SLC25A48: variants seen among roughly 807,000 people sequenced by gnomAD.
SLC25A48 encodes the protein CTC-321K16.1.
Under a neutral mutation model 32.2 loss-of-function variants are expected in SLC25A48, and 29 were observed. The observed-to-expected ratio is 0.90, with a 90% CI of 0.67 to 1.23. SLC25A48 has a LOEUF of 1.23. SLC25A48 is among the 50% of genes most tolerant of loss of function. The pLI is 0.00. For synonymous variants in SLC25A48, 164 were observed against 172.3 expected (o/e 0.95, Z 0.38); for missense variants, 399 against 422.7 (o/e 0.94, Z 0.49).
intron 1 of SLC25A48, among the ~76,000 whole-genome samples, chr5:135,840,076 G>A (rs534895337): frequency 1.3e-5 from 2 of 152,122 alleles, no homozygotes; most frequent in South Asian, 2.1e-4. Flanking sequence ...GGGCAGCCTT[G>A]GTTCTCTTCA....
At chr5:135,858,878 C>T (rs1379508490) in intron 4 of SLC25A48, among the ~76,000 whole-genome samples, 1 of 152,138 alleles carries the variant, frequency 6.6e-6, no homozygotes, top group East Asian at 1.9e-4. Flanking sequence ...GATCGGGCTG[C>T]CCCCTCTGAT....
intron 3 of SLC25A48, among the ~76,000 whole-genome samples, chr5:135,756,191 A>G (rs1015127922): frequency 3.9e-5 from 6 of 152,132 alleles, no homozygotes; most frequent in Admixed American, 2.6e-4. Context: ...CTAGATATTT[A>G]TAATATCTAG....
At chr5:135,842,588 C>G in intron 2 of SLC25A48, 129 bp downstream of exon 2, 1 of 948,232 alleles carries the variant, frequency 1.1e-6, no homozygotes, top group Non-Finnish European at 1.6e-6. Context: ...GTTGCCAGTC[C>G]AGGGGGTGTT....
At chr5:135,756,531 C>T (rs1755910821) in intron 3 of SLC25A48, among the ~76,000 whole-genome samples, 3 of 151,890 alleles carry the variant, frequency 2.0e-5, no homozygotes, top group South Asian at 2.1e-4. Flanking sequence ...ATTATCTGGG[C>T]GTGGTGGTGC....
rs1757149684 is a variant in SLC25A48, at chr5:135,795,653, T to A, written c.-520-16870T>A. Among the ~76,000 whole-genome samples the A allele has an allele frequency of 2.6e-5, 4 of 151,872 alleles. No individual in the cohort carries two copies. In the South Asian group the frequency reaches 6.2e-4, roughly 24 times the overall value. On this transcript the variant is annotated intron_variant, in intron 3 of 10. Transcript: ENST00000646290. ...AGGGGTTGTACACTTCCCTGTGATA[T>A]GGTTCATAATATTCAGGGGGGTAGA...
chr5:135,746,369 G>T, intron 3 of SLC25A48: 1 of 165,494 alleles, frequency 6.0e-6, no homozygotes, highest in Non-Finnish European at 1.3e-5. Context: ...TCTGCACAGA[G>T]ACAAGACCAC....
Position 135,671,878 on chromosome 5 carries a change from A to T in SLC25A48, c.-521+36922A>T, listed in dbSNP as rs551357435. 4.0e-5 allele frequency: 6 copies of T among 150,798 alleles called. No homozygotes were observed. In the Admixed American group the frequency reaches 4.0e-4, roughly 10 times the overall value. 9.3% of individuals were successfully genotyped at this position (150,798 alleles called of 1,614,324 possible). On this transcript the variant is annotated intron_variant, in intron 3 of 10. Coordinates refer to the SLC25A48 transcript ENST00000646290. ...CTCTACTCCCCCACCCCCACCCAGA[A>T]TTAACTTTTTAATTTTAGGGACAGA...
At chr5:135,614,560 C>T (rs1312208910) in intron 1 of SLC25A48, among the ~76,000 whole-genome samples, 1 of 152,136 alleles carries the variant, frequency 6.6e-6, no homozygotes, top group Non-Finnish European at 1.5e-5. Flanking sequence ...TATGTTCCTT[C>T]AAATGCTTAA....
chr5:135,614,196 A>T (rs1752136447), intron 1 of SLC25A48, among the ~76,000 whole-genome samples: 1 of 151,976 alleles, frequency 6.6e-6, no homozygotes, highest in Non-Finnish European at 1.5e-5. Flanking sequence ...TATTTTTTGT[A>T]GCTATTGAAA....
At chr5:135,663,932 C>G (rs1753464841) in intron 3 of SLC25A48, among the ~76,000 whole-genome samples, 1 of 152,222 alleles carries the variant, frequency 6.6e-6, no homozygotes, top group African/African-American at 2.4e-5. Flanking sequence ...CTGCCAGGCA[C>G]TGATGTCCTC....
At chr5:135,784,724 C>G (rs1465680783) in intron 3 of SLC25A48, among the ~76,000 whole-genome samples, 4 of 117,964 alleles carry the variant, frequency 3.4e-5, no homozygotes, top group African/African-American at 1.0e-4. Context: ...TACATTCCCT[C>G]CATAGTATTT....
At chr5:135,765,128 G>A (rs1269390330) in intron 3 of SLC25A48, among the ~76,000 whole-genome samples, 1 of 151,570 alleles carries the variant, frequency 6.6e-6, no homozygotes, top group African/African-American at 2.4e-5. Context: ...TTTGTGATAT[G>A]GTTCCTAATA....
chr5:135,855,956 G>A (rs149724651), intron 4 of SLC25A48, among the ~76,000 whole-genome samples: 5 of 152,254 alleles, frequency 3.3e-5, no homozygotes, highest in East Asian at 1.9e-4. Context: ...CTCATCTCTC[G>A]TTCCTCCTTG....
chr5:135,668,229 C>A (rs1753569203), intron 3 of SLC25A48, among the ~76,000 whole-genome samples: 1 of 152,100 alleles, frequency 6.6e-6, no homozygotes, highest in African/African-American at 2.4e-5. Context: ...TCATAATGAC[C>A]AAATGATCAA....
chr5:135,842,543 C>A (rs1759096695), intron 2 of SLC25A48, 84 bp downstream of exon 2: 2 of 1,360,850 alleles, frequency 1.5e-6, no homozygotes, highest in Admixed American at 1.7e-5. Context: ...TGTTTCTAAT[C>A]TCTCAGAGAG....
At chr5:135,704,656 C>T (rs7715434) in intron 3 of SLC25A48, among the ~76,000 whole-genome samples, 4,092 of 152,212 alleles carry the variant, frequency 0.027, 175 homozygotes, top group African/African-American at 0.092. Context: ...CATTTAATCT[C>T]TCTAGTAAGT....
intron 4 of SLC25A48, among the ~76,000 whole-genome samples, chr5:135,819,034 GAC>G (rs1228785931): frequency 6.6e-6 from 1 of 151,762 alleles, no homozygotes; most frequent in Admixed American, 6.6e-5. Flanking sequence ...CAATCTGAAG[GAC>G]ACAGAGAAAA....
rs532915813 is a variant in SLC25A48 at position 135,885,007 on chromosome 5, A to T, written c.*8-3025A>T. On this transcript the variant is annotated intron_variant, in intron 7 of 7. Transcript: ENST00000681962. ...CTCCAACATACCTGAGCCCCAGCTC[A>T]GGACTTTACCACCAATCCCATTTGA... Among the ~76,000 whole-genome samples, 10 of 152,318 alleles carry T rather than the reference A, an allele frequency of 6.6e-5. 1 individual carries two copies. The South Asian group carries it at 2.1e-3, about 32-fold the overall frequency.
At chr5:135,771,843 C>A (rs921537670) in intron 3 of SLC25A48, among the ~76,000 whole-genome samples, 2 of 151,052 alleles carry the variant, frequency 1.3e-5, no homozygotes, top group Non-Finnish European at 3.0e-5. Flanking sequence ...CTCTCAATAT[C>A]TCAGGGGTTG....
Sources: allele counts gnomAD v4.1 joint callset (sites outside exome capture counted in the v4.1 genomes callset), GRCh38; gene constraint gnomAD v4.1.1; transcripts MANE v1.5; gene names NCBI Gene and HGNC (gene_info 2026-07-23, HGNC 2026-07-21).